The following ADORA1 variants were observed in gnomAD, a reference collection of about 807,000 sequenced individuals.
ADORA1 encodes adenosine A1 receptor.
A neutral mutation model predicts 19.9 loss-of-function variants in ADORA1; 6 were observed. The ratio of observed to expected loss-of-function variants is 0.30; its 90% CI spans 0.17 to 0.59. The LOEUF (loss-of-function observed/expected upper bound fraction) is 0.59, where lower values mean the gene tolerates loss of function less well. Among genes scored for constraint, ADORA1 ranks in the 20% least tolerant of loss-of-function variants. The probability of loss-of-function intolerance (pLI) is 0.87; values close to 1 mark genes in which losing one functional copy is unlikely to be tolerated. For synonymous variants in ADORA1, 194 were observed against 188.4 expected (o/e 1.03, Z -0.24); for missense variants, 302 against 439.2 (o/e 0.69, Z 2.79).
At chr1:203,136,438 T>C (rs1455721066) in intron 3 of ADORA1, among the ~76,000 whole-genome samples, 4 of 152,188 alleles carry the variant, frequency 2.6e-5, no homozygotes, top group Non-Finnish European at 5.9e-5. Flanking sequence ...GGTGTGGGGC[T>C]GAGGGGCTGG....
intron 3 of ADORA1, among the ~76,000 whole-genome samples, chr1:203,141,901 T>C (rs998706573): frequency 1.3e-5 from 2 of 152,132 alleles, no homozygotes; most frequent in African/African-American, 4.8e-5. Flanking sequence ...ATGTTTTTAA[T>C]GATCCCCCTT....
At chr1:203,157,973 C>T (rs551154409) in intron 3 of ADORA1, among the ~76,000 whole-genome samples, 4 of 152,210 alleles carry the variant, frequency 2.6e-5, no homozygotes, top group Non-Finnish European at 5.9e-5. Flanking sequence ...AGTCATTCTC[C>T]CATCATCCTG....
chr1:203,162,895 G>A (rs1318826302), intron 3 of ADORA1, among the ~76,000 whole-genome samples: 8 of 152,138 alleles, frequency 5.3e-5, no homozygotes, highest in Non-Finnish European at 7.4e-5. Context: ...ACCTGGCCCC[G>A]TCCTCTCTGC....
At chr1:203,154,146 G>A (rs1199071549) in intron 3 of ADORA1, among the ~76,000 whole-genome samples, 1 of 152,162 alleles carries the variant, frequency 6.6e-6, no homozygotes. Flanking sequence ...CCCTGCTCTG[G>A]TCTCAGCAGT....
At chr1:203,149,032 C>T (rs1244681331) in intron 3 of ADORA1, among the ~76,000 whole-genome samples, 1 of 152,116 alleles carries the variant, frequency 6.6e-6, no homozygotes, top group African/African-American at 2.4e-5. Context: ...TGCATGCCAC[C>T]AAGACTGGCT....
intron 3 of ADORA1, among the ~76,000 whole-genome samples, chr1:203,149,364 T>C (rs998929787): frequency 1.3e-5 from 2 of 152,098 alleles, no homozygotes; most frequent in Non-Finnish European, 2.9e-5. Flanking sequence ...ATGACGGAAA[T>C]TGAGTTTATT....
At chr1:203,138,018 C>T (rs1177988759) in intron 3 of ADORA1, among the ~76,000 whole-genome samples, 1 of 152,028 alleles carries the variant, frequency 6.6e-6, no homozygotes, top group African/African-American at 2.4e-5. Context: ...TATGAATGTA[C>T]CATGATTTGT....
rs886443775 is a variant in ADORA1, at chr1:203,128,704, G to C, written c.-57-81G>C. The C allele has an allele frequency of 2.8e-6, 4 of 1,453,412 alleles. No homozygotes were observed. The highest frequency in any genetic ancestry group is 3.6e-6 in the Non-Finnish European group (4 of 1,097,712). 90.0% of individuals were successfully genotyped at this position (1,453,412 alleles called of 1,614,324 possible). ...TGTGACAAGTGGGACACATCACAGG[G>C]TACCTGGAGTTCCAGGGCAGCCTGA... On this transcript the variant is annotated intron_variant, in intron 2 of 3. Transcript: ENST00000337894. This position sits in a 1 kb window ranked among gnomAD's most constrained non-coding sequence, Gnocchi z 5.9.
rs1208047445 is a variant in ADORA1 at position 203,165,862 on chromosome 1, A to T, written c.943A>T (p.Ile315Phe). ...TTTCCGCTGCCAGCCTGCACCTCCCATTGACGAGGATCTCCCAGAAGAGAG... is the reference window on the plus strand; with the variant it reads ...TTTCCGCTGCCAGCCTGCACCTCCCTTTGACGAGGATCTCCCAGAAGAGAG... The part of the protein sequence containing the change: ...DHFRCQPAPP[I>F]DEDLPEERPD... Residue 315 changes from isoleucine (I) to phenylalanine (F), a missense_variant, in exon 4 of 4, where the codon ATT (isoleucine) becomes TTT (phenylalanine). Ile to Phe is a conservative substitution (Grantham distance 21). Coordinates refer to ENST00000337894, the MANE Select transcript of ADORA1 (RefSeq NM_000674.3). This position sits in a 1 kb window ranked among gnomAD's most constrained non-coding sequence, Gnocchi z 5.9. 6.3e-7 allele frequency: 1 copy of T among 1,582,026 alleles called. No individual in the cohort carries two copies. The highest frequency in any genetic ancestry group is 2.2e-5 in the East Asian group (1 of 44,668).
intron 3 of ADORA1, among the ~76,000 whole-genome samples, chr1:203,136,100 A>G (rs1396529803): frequency 6.6e-6 from 1 of 152,144 alleles, no homozygotes; most frequent in East Asian, 1.9e-4. Context: ...GCAGAGAGGA[A>G]GGAAGTGGAG....
Position 203,128,767 on chromosome 1 carries a change from G to T in ADORA1, c.-57-18G>T. 1 of 1,522,684 alleles carries T rather than the reference G, an allele frequency of 6.6e-7. No homozygotes were observed. The allele number at this position is 1,522,684 out of a possible 1,614,324, so 94.3% of individuals were successfully genotyped here. ...TCCCAGACGGGTCTCCCCATCCCAGGCTTCCCTGACCACACAGGTGCTTGC... is the reference window on the plus strand; with the variant it reads ...TCCCAGACGGGTCTCCCCATCCCAGTCTTCCCTGACCACACAGGTGCTTGC... On this transcript the variant is annotated intron_variant, in intron 2 of 3. Coordinates refer to ENST00000337894, the MANE Select transcript of ADORA1 (RefSeq NM_000674.3). The surrounding 1 kb of genome is among the most constrained non-coding windows in gnomAD (Gnocchi z 5.9).
In ADORA1 at chr1:203,165,848, A is replaced by T. The variant is rs1571816171; in HGVS notation, c.929A>T (p.Gln310Leu). 5.0e-6 allele frequency: 8 copies of T among 1,594,836 alleles called. No individual in the cohort carries two copies. The East Asian group carries it at 1.8e-4, about 36-fold the overall frequency. ...LKIWNDHFRC[Q>L]PAPPIDEDLP... ...ATTTGGAATGACCATTTCCGCTGCCAGCCTGCACCTCCCATTGACGAGGAT... is the reference window on the plus strand; with the variant it reads ...ATTTGGAATGACCATTTCCGCTGCCTGCCTGCACCTCCCATTGACGAGGAT... Residue 310 changes from glutamine (Q) to leucine (L), a missense_variant, in exon 4 of 4, where the codon CAG (glutamine) becomes CTG (leucine). Physicochemically the swap from Gln to Leu is moderately radical, Grantham distance 113. Transcript: ENST00000337894. This position sits in a 1 kb window ranked among gnomAD's most constrained non-coding sequence, Gnocchi z 5.9.
chr1:203,162,024 C>G (rs1392488647), intron 3 of ADORA1, among the ~76,000 whole-genome samples: 1 of 152,196 alleles, frequency 6.6e-6, no homozygotes, highest in Non-Finnish European at 1.5e-5. Flanking sequence ...GCTTAGCTCC[C>G]AGCACAGCCC....
chr1:203,157,151 G>T (rs1655222355), intron 3 of ADORA1, among the ~76,000 whole-genome samples: 1 of 152,228 alleles, frequency 6.6e-6, no homozygotes, highest in Non-Finnish European at 1.5e-5. Context: ...TAAGTCCAGA[G>T]TCTCATCTAA....
rs764447031 is a variant in ADORA1 at position 203,165,543 on chromosome 1, C to A, written c.624C>A (p.Arg208=). The change falls in exon 4 of 4, where the codon CGC becomes CGA. Residue 208 remains arginine (R), a synonymous_variant. Coordinates refer to ENST00000337894, the MANE Select transcript of ADORA1 (RefSeq NM_000674.3). The surrounding 1 kb of genome is among the most constrained non-coding windows in gnomAD (Gnocchi z 5.9). ...ACCTGGAGGTCTTCTACCTAATCCG[C>A]AAGCAGCTCAACAAGAAGGTGTCGG... ...LIYLEVFYLI[R]KQLNKKVSAS... 4 of 1,613,814 alleles carry A rather than the reference C, an allele frequency of 2.5e-6. No homozygotes were observed. The African/African-American group carries it at 5.3e-5, about 22-fold the overall frequency.
At chr1:203,162,697 G>T (rs140443404) in intron 3 of ADORA1, among the ~76,000 whole-genome samples, 2 of 152,372 alleles carry the variant, frequency 1.3e-5, no homozygotes, top group African/African-American at 4.8e-5. Flanking sequence ...CTGAAGAAGA[G>T]CTGGGCTTGG....
Sources: gnomAD v4.1 joint callset for allele counts (sites outside exome capture counted in the v4.1 genomes callset) on GRCh38, gnomAD v4.1.1 for gene constraint, Gnocchi (gnomAD v3.1) non-coding constraint, MANE v1.5 for transcripts, NCBI Gene and HGNC (gene_info 2026-07-23, HGNC 2026-07-21) for gene names.